Variants in GRID1 observed in about 807,000 individuals in gnomAD.
GRID1 encodes the protein glutamate receptor ionotropic, delta-1.
A neutral mutation model predicts 98.0 loss-of-function variants in GRID1; 28 were observed. The ratio of observed to expected loss-of-function variants is 0.29; its 90% confidence interval spans 0.21 to 0.39. The LOEUF (loss-of-function observed/expected upper bound fraction) is 0.39. Among genes scored for constraint, GRID1 ranks in the 10% least tolerant of loss-of-function variants. GRID1 has a pLI of 1.00. For missense variants in GRID1, 1,111 were observed against 1,340.5 expected (o/e 0.83, Z 2.67); for synonymous variants, 553 against 538.5 (o/e 1.03, Z -0.37).
At chr10:86,364,271 T>A (rs1010462700) in intron 1 of GRID1, among the ~76,000 whole-genome samples, 175 bp from the exon 2 acceptor site, 3 of 152,096 alleles carry the variant, frequency 2.0e-5, no homozygotes, top group African/African-American at 7.2e-5. Context: ...TGCACAGGAA[T>A]ATGTTCCCCT....
intron 4 of GRID1, among the ~76,000 whole-genome samples, chr10:85,949,026 C>T (rs1043091218): frequency 6.6e-5 from 10 of 152,054 alleles, no homozygotes; most frequent in African/African-American, 2.4e-4. Flanking sequence ...ACCGTCTGGA[C>T]ATGATGCTTA....
chr10:85,774,868 A>G (rs1182718894), intron 8 of GRID1, among the ~76,000 whole-genome samples: 1 of 151,248 alleles, frequency 6.6e-6, no homozygotes, highest in Non-Finnish European at 1.5e-5. Flanking sequence ...ACACTTTTAC[A>G]CTGTTGGTGG....
intron 4 of GRID1, among the ~76,000 whole-genome samples, chr10:86,133,150 C>T (rs972280835): frequency 6.6e-6 from 1 of 152,232 alleles, no homozygotes; most frequent in African/African-American, 2.4e-5. Flanking sequence ...GTTCTGCCAC[C>T]AGCAATGCTC....
chr10:86,349,119 C>A (rs372215455), intron 2 of GRID1, among the ~76,000 whole-genome samples: 2 of 152,210 alleles, frequency 1.3e-5, no homozygotes, highest in African/African-American at 4.8e-5. Flanking sequence ...GCCAAGCTCA[C>A]GGCTGTCAGG....
intron 2 of GRID1, among the ~76,000 whole-genome samples, chr10:86,292,321 A>C (rs1329493381): frequency 1.3e-5 from 2 of 152,242 alleles, no homozygotes; most frequent in Non-Finnish European, 1.5e-5. Flanking sequence ...GCTTCATTTC[A>C]GGAGATTGTC....
chr10:86,304,014 C>T (rs1403359695), intron 2 of GRID1, among the ~76,000 whole-genome samples: 1 of 152,228 alleles, frequency 6.6e-6, no homozygotes, highest in Non-Finnish European at 1.5e-5. Context: ...TCCATCATTT[C>T]CTCCCCTCCA....
At chr10:86,125,899 A>T (rs1733655182) in intron 4 of GRID1, among the ~76,000 whole-genome samples, 1 of 152,218 alleles carries the variant, frequency 6.6e-6, no homozygotes, top group Admixed American at 6.5e-5. Context: ...TACCTATAAC[A>T]TACAAAATTT....
intron 4 of GRID1, among the ~76,000 whole-genome samples, chr10:86,049,999 A>G (rs543572466): frequency 3.3e-5 from 5 of 152,328 alleles, no homozygotes; most frequent in East Asian, 3.9e-4. Context: ...CTGATCATCC[A>G]TCTTTGTCAA....
chr10:85,796,650 T>A (rs1324395659), intron 8 of GRID1, among the ~76,000 whole-genome samples: 1 of 151,520 alleles, frequency 6.6e-6, no homozygotes, highest in Non-Finnish European at 1.5e-5. Flanking sequence ...AGAAAAGCAA[T>A]GACTTTGAAC....
chr10:86,004,972 TA>T (rs1224432931), intron 4 of GRID1, among the ~76,000 whole-genome samples: 1 of 151,916 alleles, frequency 6.6e-6, no homozygotes, highest in Non-Finnish European at 1.5e-5. Context: ...TTATAAGGAG[TA>T]AGACTGAGGC....
At chr10:85,626,484 T>C (rs1165848660) in intron 13 of GRID1, among the ~76,000 whole-genome samples, 1 of 152,226 alleles carries the variant, frequency 6.6e-6, no homozygotes, top group African/African-American at 2.4e-5. Flanking sequence ...GAAACAAAAG[T>C]GTTTCATGGA....
At chr10:85,747,657 C>G (rs553795165) in intron 8 of GRID1, among the ~76,000 whole-genome samples, 1 of 152,206 alleles carries the variant, frequency 6.6e-6, no homozygotes, top group East Asian at 1.9e-4. Context: ...ATAAGCATAA[C>G]AATAATAAAG....
chr10:86,231,985 G>A (rs184909767), intron 2 of GRID1, among the ~76,000 whole-genome samples: 83 of 151,068 alleles, frequency 5.5e-4, no homozygotes, highest in African/African-American at 1.8e-3. Context: ...AAACCCTCCC[G>A]TGTATCCGCA....
chr10:86,013,023 ACAT>A (rs1466696436), intron 4 of GRID1, among the ~76,000 whole-genome samples: 1 of 152,130 alleles, frequency 6.6e-6, no homozygotes, highest in Non-Finnish European at 1.5e-5. Flanking sequence ...TAATTCCTGG[ACAT>A]CTGGATCTAC....
intron 6 of GRID1, among the ~76,000 whole-genome samples, chr10:85,857,283 C>T (rs1344606725): frequency 5.3e-5 from 8 of 152,182 alleles, no homozygotes; most frequent in Admixed American, 5.2e-4. Flanking sequence ...AAGGCCATGA[C>T]TGAGAATCTA....
intron 2 of GRID1, among the ~76,000 whole-genome samples, chr10:86,299,114 C>T (rs924943105): frequency 6.6e-6 from 1 of 151,940 alleles, no homozygotes; most frequent in African/African-American, 2.4e-5. Flanking sequence ...AGAGAGGTAA[C>T]GTCACATACA....
chr10:86,301,989 C>G (rs1847695056), intron 2 of GRID1, among the ~76,000 whole-genome samples: 1 of 152,244 alleles, frequency 6.6e-6, no homozygotes, highest in Non-Finnish European at 1.5e-5. Flanking sequence ...GATTTGCTGC[C>G]TGGCTCCCAG....
At chr10:85,913,980 C>A (rs1021352025) in intron 5 of GRID1, among the ~76,000 whole-genome samples, 1 of 152,146 alleles carries the variant, frequency 6.6e-6, no homozygotes, top group African/African-American at 2.4e-5. Context: ...ACACTGCTGG[C>A]CATGGTGAGA....
intron 3 of GRID1, among the ~76,000 whole-genome samples, chr10:86,188,522 A>G (rs1172847096): frequency 6.6e-6 from 1 of 151,898 alleles, no homozygotes; most frequent in Admixed American, 6.6e-5. Context: ...GCCAAGACCC[A>G]CTCCCTGAGG....
Sources: gnomAD v4.1 joint callset for allele counts (sites outside exome capture counted in the v4.1 genomes callset) on GRCh38, gnomAD v4.1.1 for gene constraint, MANE v1.5 for transcripts, NCBI Gene and HGNC (gene_info 2026-07-23, HGNC 2026-07-21) for gene names.